Variants in CEP112 observed in about 807,000 individuals in gnomAD.
CEP112 encodes the protein centrosomal protein of 112 kDa.
Under a neutral mutation model 153.0 loss-of-function variants are expected in CEP112, and 127 were observed. The ratio of observed to expected loss-of-function variants is 0.83; its 90% CI spans 0.72 to 0.96. The LOEUF (loss-of-function observed/expected upper bound fraction) is 0.96, where lower values mean the gene tolerates loss of function less well. Among genes scored for constraint, CEP112 ranks in the 40% least tolerant of loss-of-function variants. The pLI is 0.00. For synonymous variants in CEP112, 358 were observed against 374.4 expected (o/e 0.96, Z 0.51); for missense variants, 1,089 against 1,101.2 (o/e 0.99, Z 0.16).
At chr17:65,684,636 T>A (rs1243804146) in intron 24 of CEP112, among the ~76,000 whole-genome samples, 1 of 152,242 alleles carries the variant, frequency 6.6e-6, no homozygotes. Flanking sequence ...TTGTGAATAA[T>A]GAAACTAAGT....
chr17:65,636,076 G>T, intron 26 of CEP112, 102 bp from the exon 27 acceptor site: 1 of 1,082,280 alleles, frequency 9.2e-7, no homozygotes, highest in Non-Finnish European at 1.4e-6. Context: ...GGTTGAAAAG[G>T]CTATTTGATA....
chr17:65,874,131 T>C (rs367859264), intron 20 of CEP112, among the ~76,000 whole-genome samples: 1 of 152,142 alleles, frequency 6.6e-6, no homozygotes, highest in Non-Finnish European at 1.5e-5. Context: ...TCTTTATAAA[T>C]ATGTAGGTAT....
intron 17 of CEP112, 110 bp from the exon 18 acceptor site, chr17:65,961,708 A>G (rs2062210323): frequency 3.9e-6 from 4 of 1,026,122 alleles, no homozygotes; most frequent in Non-Finnish European, 5.5e-6. Flanking sequence ...AATTTTTTTG[A>G]TCCAAATCCT....
intron 8 of CEP112, among the ~76,000 whole-genome samples, chr17:66,095,803 G>A (rs117076320): frequency 0.012 from 1,822 of 152,260 alleles, 20 homozygotes; most frequent in Middle Eastern, 0.024. Context: ...CAGGTGTGGT[G>A]GCTCATGCCT....
At position 65,767,419 on chromosome 17, in the gene CEP112, A is replaced by T. The variant is rs148864659; in HGVS notation, c.2395-16695T>A. Among the ~76,000 whole-genome samples, 560 of 152,214 alleles carry T rather than the reference A, an allele frequency of 3.7e-3. 4 individuals carry two copies. The highest frequency in any genetic ancestry group is 0.013 in the African/African-American group (544 of 41,552). On this transcript the variant is annotated intron_variant, in intron 21 of 26. Transcript: ENST00000535342. ...CCATAAGAGGAAAGTTTATAGCAAC[A>T]AATGTCTACATTTAAAAAGAAGATC...
intron 20 of CEP112, among the ~76,000 whole-genome samples, chr17:65,901,512 T>A (rs551231753): frequency 6.6e-6 from 1 of 152,274 alleles, no homozygotes; most frequent in South Asian, 2.1e-4. Flanking sequence ...GCACATTTCA[T>A]CCACAAGTTT....
intron 21 of CEP112, among the ~76,000 whole-genome samples, chr17:65,784,269 T>C (rs376613204): frequency 3.1e-4 from 47 of 152,324 alleles, no homozygotes; most frequent in Middle Eastern, 3.4e-3. Flanking sequence ...AAACAAGATA[T>C]AACAGAAGTG....
intron 19 of CEP112, 60 bp from the exon 20 acceptor site, chr17:65,902,394 C>G: frequency 7.4e-7 from 1 of 1,350,456 alleles, no homozygotes; most frequent in Non-Finnish European, 9.9e-7. Flanking sequence ...CATGACAACT[C>G]ATGTACAGCT....
chr17:66,038,492 G>A (rs2065839384), intron 12 of CEP112, among the ~76,000 whole-genome samples: 1 of 152,128 alleles, frequency 6.6e-6, no homozygotes. Flanking sequence ...AACAACATTT[G>A]CCAAATTAAT....
At chr17:66,121,049 C>T (rs537922254) in intron 6 of CEP112, among the ~76,000 whole-genome samples, 42 of 152,180 alleles carry the variant, frequency 2.8e-4, no homozygotes, top group Admixed American at 7.9e-4. Flanking sequence ...GAGGCCGAGG[C>T]GGGCGGATCG....
At chr17:65,755,938 AG>A (rs1403867026) in intron 21 of CEP112, among the ~76,000 whole-genome samples, 1 of 152,198 alleles carries the variant, frequency 6.6e-6, no homozygotes, top group Non-Finnish European at 1.5e-5. Flanking sequence ...CAGTTTATAT[AG>A]GGTGTGTGAA....
intron 17 of CEP112, among the ~76,000 whole-genome samples, chr17:65,969,839 TCTATATATA>T (rs2062588313): frequency 6.9e-6 from 1 of 144,958 alleles, no homozygotes; most frequent in Admixed American, 7.2e-5. Context: ...AAGCATATCA[TCTATATATA>T]GCATGCATGC....
chr17:66,179,411 C>A (rs2146893396), intron 2 of CEP112, among the ~76,000 whole-genome samples: 1 of 151,948 alleles, frequency 6.6e-6, no homozygotes, highest in African/African-American at 2.4e-5. Context: ...TCTTTCACTT[C>A]TTTGGTTAAT....
chr17:65,850,649 G>T (rs963456924), intron 21 of CEP112, among the ~76,000 whole-genome samples: 1 of 152,110 alleles, frequency 6.6e-6, no homozygotes, highest in Non-Finnish European at 1.5e-5. Flanking sequence ...GTCAAATCAT[G>T]TCACTCCTAT....
intron 21 of CEP112, among the ~76,000 whole-genome samples, chr17:65,820,992 AT>A (rs1428452299): frequency 6.6e-6 from 1 of 152,070 alleles, no homozygotes; most frequent in Non-Finnish European, 1.5e-5. Context: ...ACAAATGTCC[AT>A]TTTCTTTGCC....
intron 23 of CEP112, among the ~76,000 whole-genome samples, chr17:65,740,910 T>C (rs1273142652): frequency 1.3e-5 from 2 of 152,150 alleles, no homozygotes; most frequent in African/African-American, 2.4e-5. Flanking sequence ...GAGAGAAGAA[T>C]AGAATGAGAA....
intron 21 of CEP112, among the ~76,000 whole-genome samples, chr17:65,849,165 C>T (rs967274825): frequency 5.9e-5 from 9 of 152,160 alleles, no homozygotes; most frequent in East Asian, 1.9e-4. Context: ...GTCATGGAAA[C>T]GGTTTTGTTT....
intron 3 of CEP112, among the ~76,000 whole-genome samples, chr17:66,176,329 A>G (rs1161196341): frequency 6.6e-6 from 1 of 152,222 alleles, no homozygotes; most frequent in Non-Finnish European, 1.5e-5. Context: ...AAGCATAATA[A>G]TAACTGCCTT....
chr17:65,927,118 A>G (rs2060954238), intron 19 of CEP112, among the ~76,000 whole-genome samples: 2 of 152,166 alleles, frequency 1.3e-5, no homozygotes, highest in South Asian at 4.2e-4. Context: ...TGACCTGGTC[A>G]TTTAAAAGTG....
Sources: gnomAD v4.1 joint callset for allele counts (sites outside exome capture counted in the v4.1 genomes callset) on GRCh38, gnomAD v4.1.1 for gene constraint, MANE v1.5 for transcripts, NCBI Gene and HGNC (gene_info 2026-07-23, HGNC 2026-07-21) for gene names.